NISCH: variants seen among roughly 807,000 people sequenced by gnomAD.
NISCH encodes I-1 receptor candidate protein.
In NISCH, 55 loss-of-function variants were observed where a neutral mutation model predicts 138.4. The ratio of observed to expected loss-of-function variants is 0.40; its 90% CI spans 0.32 to 0.50. The LOEUF is 0.50. Ranked by LOEUF, NISCH falls within the 20% of genes least tolerant of loss-of-function variation. NISCH has a pLI of 0.71. For missense variants in NISCH, 1,643 were observed against 2,005.5 expected, an observed-to-expected ratio of 0.82 and a Z score of 3.45; for synonymous variants, 860 against 861.5, an observed-to-expected ratio of 1.00 and a Z score of 0.03.
intron 13 of NISCH, chr3:52,480,744 G>C (rs1028637620): frequency 7.0e-7 from 1 of 1,428,552 alleles, no homozygotes; most frequent in African/African-American, 1.4e-5. Context: ...TCTCTGTGGG[G>C]TGACCCAGCC....
chr3:52,466,089 T>C (rs1039310186), intron 3 of NISCH, among the ~76,000 whole-genome samples: 1 of 152,250 alleles, frequency 6.6e-6, no homozygotes, highest in Non-Finnish European at 1.5e-5. Flanking sequence ...CCATAATTTG[T>C]TTTAGTTGCA....
intron 3 of NISCH, among the ~76,000 whole-genome samples, chr3:52,465,355 C>A (rs1258425461): frequency 6.6e-6 from 1 of 152,120 alleles, no homozygotes; most frequent in Non-Finnish European, 1.5e-5. Context: ...GTCTCGAACT[C>A]CTGGGCTCAA....
rs1257883305 is a variant in NISCH, at chr3:52,487,382, G to C, written c.1890G>C (p.Glu630Asp). The change falls in exon 16 of 21, where the codon GAG (glutamate) becomes GAC (aspartate). Residue 630 changes from glutamate (E) to aspartate (D), a missense_variant. By Grantham distance (45) the Glu-to-Asp change is conservative (BLOSUM62 2). Coordinates refer to ENST00000345716, the MANE Select transcript of NISCH (RefSeq NM_007184.4). This position sits in a 1 kb window ranked among gnomAD's most constrained non-coding sequence, Gnocchi z 9.1. The stretch of plus-strand genomic sequence containing the variant: ...TCGAGGCTGCCAACCAGCGGGAGGA[G>C]GGCCAGGGTGAACAGGGCGAGGAGG... ...AWIEAANQREEGQGEQGEEED... is the reference protein window; with the variant it reads ...AWIEAANQREDGQGEQGEEED... The C allele has an allele frequency of 6.2e-7, 1 of 1,614,068 alleles. No homozygotes were observed. Among genetic ancestry groups the C allele is most frequent in the South Asian group, 1.1e-5 (1 of 91,074 alleles).
At position 52,480,287 on chromosome 3, in the gene NISCH, C is replaced by A; in HGVS notation, c.1520C>A (p.Ser507Tyr). Residue 507 changes from serine (S) to tyrosine (Y), a missense_variant, in exon 13 of 21, where the codon TCT becomes TAT. Ser to Tyr is a moderately radical substitution (Grantham distance 144). Coordinates refer to ENST00000345716, the MANE Select transcript of NISCH (RefSeq NM_007184.4). ...GCCTCCCTGCCCCAGCCCATCCTCT[C>A]TAACCAAGGTAATCGTGTATGTATC... is the stretch of plus-strand genomic sequence containing the variant. ...ASASLPQPILSNQGIMFVQEE... is the reference protein window; with the variant it reads ...ASASLPQPILYNQGIMFVQEE... 6.2e-7 allele frequency: 1 copy of A among 1,613,898 alleles called. No individual in the cohort carries two copies. The highest frequency in any genetic ancestry group is 8.5e-7 in the Non-Finnish European group (1 of 1,180,034).
rs1707578067 is a variant in NISCH at position 52,492,009 on chromosome 3, C to T, written c.4042C>T (p.Leu1348=). Residue 1348 remains leucine (L), a synonymous_variant, in exon 21 of 21, where the codon CTG becomes TTG. Coordinates refer to ENST00000345716, the MANE Select transcript of NISCH (RefSeq NM_007184.4). ...EPEKAPALSI[L]LYVQAFQVGM... ...AGAGAAGGCCCCAGCCCTCAGCATC[C>T]TGCTGTACGTGCAGGCCTTCCAGGT... is the stretch of plus-strand genomic sequence containing the variant. 8.1e-6 allele frequency: 13 copies of T among 1,613,394 alleles called. No individual in the cohort carries two copies. In the East Asian group the frequency reaches 2.7e-4, roughly 33 times the overall value.
rs972460291 is a variant in NISCH at position 52,457,734 on chromosome 3, G to T, written c.94-109G>T. ...GGTGGGTCTGAGTTGCAGAGAGAAAGACTGATAAAAGATAATTGGGAAAGA... is the reference window on the plus strand; with the variant it reads ...GGTGGGTCTGAGTTGCAGAGAGAAATACTGATAAAAGATAATTGGGAAAGA... On this transcript the variant is annotated intron_variant, in intron 1 of 20. Transcript: ENST00000345716. 5.2e-5 allele frequency: 46 copies of T among 884,538 alleles called. No individual in the cohort carries two copies. The African/African-American group carries it at 6.9e-4, about 13-fold the overall frequency. 54.8% of individuals were successfully genotyped at this position (884,538 alleles called of 1,614,324 possible).
At chr3:52,462,658 G>A (rs112838080) in intron 3 of NISCH, among the ~76,000 whole-genome samples, 15 of 152,118 alleles carry the variant, frequency 9.9e-5, no homozygotes, top group Middle Eastern at 3.4e-3. Flanking sequence ...TTTTTGAGAC[G>A]GAGTTTCGTT....
rs1351920855 is a variant in NISCH at position 52,465,181 on chromosome 3, G to A, written c.361-5678G>A. ...GTCTTGCTCTATTGCCTAGGCTGGA[G>A]TGCAGTGGCACCATCTCGGCTCACT... On this transcript the variant is annotated intron_variant, in intron 3 of 20. Transcript: ENST00000345716. Among the ~76,000 whole-genome samples, 5 of 152,168 alleles carry A rather than the reference G, an allele frequency of 3.3e-5. No homozygotes were observed. In the East Asian group the frequency reaches 5.8e-4, roughly 18 times the overall value.
intron 3 of NISCH, among the ~76,000 whole-genome samples, chr3:52,463,711 C>A (rs2153230821): frequency 7.7e-6 from 1 of 130,046 alleles, no homozygotes; most frequent in Non-Finnish European, 1.6e-5. Flanking sequence ...TGTTATTGAA[C>A]CTCTTTTTTT....
chr3:52,482,794 G>C (rs1022706044), intron 13 of NISCH, among the ~76,000 whole-genome samples: 1 of 152,214 alleles, frequency 6.6e-6, no homozygotes, highest in Non-Finnish European at 1.5e-5. Context: ...ATGCATGAGC[G>C]AATGCTGGGG....
At chr3:52,458,098 C>T (rs1206894972) in intron 2 of NISCH, among the ~76,000 whole-genome samples, 172 bp downstream of exon 2, 1 of 152,202 alleles carries the variant, frequency 6.6e-6, no homozygotes, top group East Asian at 1.9e-4. Flanking sequence ...AAATGCTAGC[C>T]TTCAGCTCTA....
At chr3:52,481,824 G>A in intron 13 of NISCH, 2 of 985,350 alleles carry the variant, frequency 2.0e-6, no homozygotes, top group Non-Finnish European at 1.2e-6. Flanking sequence ...CTGCAGAGGG[G>A]CACTCTGCAG....
At chr3:52,491,637 A>G in intron 20 of NISCH, 124 bp downstream of exon 20, 11 of 1,242,024 alleles carry the variant, frequency 8.9e-6, no homozygotes, top group Non-Finnish European at 1.2e-5. Flanking sequence ...TTAGCTGGCC[A>G]GGGTTTTATG....
intron 19 of NISCH, among the ~76,000 whole-genome samples, chr3:52,491,035 G>T (rs151175208): frequency 1.6e-4 from 25 of 152,390 alleles, no homozygotes; most frequent in African/African-American, 6.0e-4. Context: ...CAGGAGGTAG[G>T]GTGTGCGGCA....
At chr3:52,470,779 G>A (rs957321796) in intron 3 of NISCH, 80 bp from the exon 4 acceptor site, 12 of 1,147,592 alleles carry the variant, frequency 1.0e-5, no homozygotes, top group Non-Finnish European at 1.5e-5. Context: ...GCACAACAGA[G>A]GGGATAGATA....
chr3:52,490,835 TG>T lies in NISCH; in HGVS notation c.3742+5del. The T allele has an allele frequency of 6.2e-7, 1 of 1,614,054 alleles. No homozygotes were observed. The highest frequency in any genetic ancestry group is 8.5e-7 in the Non-Finnish European group (1 of 1,179,958). On this transcript the variant is annotated splice_donor_region_variant and intron_variant, in intron 19 of 20. Coordinates refer to ENST00000345716, the MANE Select transcript of NISCH (RefSeq NM_007184.4). ...TCGACCAGCATTTCCGGCTGACGGG[TG>T]GGTGACCCTCTGTGCTTTGTCCTAT...
rs72965268 is a variant in NISCH at position 52,459,131 on chromosome 3, G to C, written c.360+287G>C. On this transcript the variant is annotated intron_variant, in intron 3 of 20. Transcript: ENST00000345716. ...GGTGTTTAAGCTAGGTTTCCATCCA[G>C]ATGGATGAGGCTGGATTAGAAATAG... Among the ~76,000 whole-genome samples the C allele has an allele frequency of 3.2e-3, 480 of 152,342 alleles. 1 individual carries two copies. The highest frequency in any genetic ancestry group is 0.011 in the African/African-American group (463 of 41,566).
chr3:52,482,471 C>T (rs1222252635), intron 13 of NISCH, among the ~76,000 whole-genome samples: 1 of 152,186 alleles, frequency 6.6e-6, no homozygotes. Flanking sequence ...GGAGCCAGGG[C>T]TCGGTCAGCT....
In NISCH at chr3:52,478,089, C is replaced by T. The variant is rs376344705; in HGVS notation, c.988-8C>T. 58 of 1,613,152 alleles carry T rather than the reference C, an allele frequency of 3.6e-5. No homozygotes were observed. Among genetic ancestry groups the T allele is most frequent in the African/African-American group, 3.2e-4 (24 of 75,016 alleles). On this transcript the variant is annotated splice_region_variant and splice_polypyrimidine_tract_variant and intron_variant, in intron 9 of 20. Coordinates refer to ENST00000345716, the MANE Select transcript of NISCH (RefSeq NM_007184.4). ...AGCCACTTTACGCTGTTCTCCACGC[C>T]GCTGCAGCACCTGTATAACCTTGTG...
Sources: allele counts gnomAD v4.1 joint callset (sites outside exome capture counted in the v4.1 genomes callset), GRCh38; gene constraint gnomAD v4.1.1; non-coding constraint Gnocchi (gnomAD v3.1); transcripts MANE v1.5; gene names NCBI Gene and HGNC (gene_info 2026-07-23, HGNC 2026-07-21).